The following CACNA2D4 variants were observed in gnomAD, a reference collection of about 807,000 sequenced individuals.
CACNA2D4 encodes the protein voltage-dependent calcium channel subunit alpha-2/delta-4.
In CACNA2D4, 157 loss-of-function variants were observed where a neutral mutation model predicts 163.8. The observed-to-expected ratio is 0.96, with a 90% CI of 0.84 to 1.09. The LOEUF (loss-of-function observed/expected upper bound fraction) is 1.09. Among genes scored for constraint, CACNA2D4 ranks in the 50% least tolerant of loss-of-function variants. The probability of loss-of-function intolerance (pLI) is 0.00; values close to 1 mark genes in which losing one functional copy is unlikely to be tolerated. For missense variants in CACNA2D4, 1,410 were observed against 1,479.9 expected, an observed-to-expected ratio of 0.95 and a Z score of 0.78; for synonymous variants, 598 against 586.9, an observed-to-expected ratio of 1.02 and a Z score of -0.27.
At chr12:1,907,320 G>A in intron 6 of CACNA2D4, 120 bp downstream of exon 6, 1 of 868,524 alleles carries the variant, frequency 1.2e-6, no homozygotes, top group Non-Finnish European at 1.8e-6. Flanking sequence ...GAGATGCTTT[G>A]GGATAGGAGG....
chr12:1,813,377 G>A (rs1295460588), intron 26 of CACNA2D4, among the ~76,000 whole-genome samples: 9 of 152,068 alleles, frequency 5.9e-5, no homozygotes, highest in Non-Finnish European at 1.0e-4. Flanking sequence ...GGGAACCCCC[G>A]TCCTAAAGCC....
intron 26 of CACNA2D4, among the ~76,000 whole-genome samples, chr12:1,821,117 G>A (rs552838425): frequency 3.9e-5 from 6 of 152,300 alleles, no homozygotes; most frequent in East Asian, 1.9e-4. Flanking sequence ...CATAGAAACC[G>A]GTCCCTGCAG....
intron 2 of CACNA2D4, 44 bp from the exon 3 acceptor site, chr12:1,913,183 C>T: frequency 1.5e-6 from 2 of 1,361,360 alleles, no homozygotes; most frequent in Non-Finnish European, 2.1e-6. Context: ...TGGTTTTGTA[C>T]CAGGATAGTT....
At chr12:1,880,927 G>T (rs1865980475) in intron 13 of CACNA2D4, among the ~76,000 whole-genome samples, 1 of 152,192 alleles carries the variant, frequency 6.6e-6, no homozygotes, top group Non-Finnish European at 1.5e-5. Flanking sequence ...GGCCCCTGTG[G>T]CCTGCTCTCC....
At position 1,834,293 on chromosome 12, in the gene CACNA2D4, A is replaced by G. The variant is rs1317030538; in HGVS notation, c.2551+6446T>C. 6.3e-7 allele frequency: 1 copy of G among 1,598,364 alleles called. No individual in the cohort carries two copies. Among genetic ancestry groups the G allele is most frequent in the Non-Finnish European group, 8.5e-7 (1 of 1,171,108 alleles). On this transcript the variant is annotated intron_variant, in intron 26 of 37. Coordinates refer to ENST00000382722, the MANE Select transcript of CACNA2D4 (RefSeq NM_172364.5). The surrounding 1 kb of genome is among the most constrained non-coding windows in gnomAD (Gnocchi z 7.6). ...GGGACGCTTGGACCAGCTTGCCTGC[A>G]CCCTGCCCAAGGAGCTGAGGGGGAA...
chr12:1,889,194 A>C (rs1264996310), intron 6 of CACNA2D4, among the ~76,000 whole-genome samples: 1 of 152,274 alleles, frequency 6.6e-6, no homozygotes, highest in Non-Finnish European at 1.5e-5. Flanking sequence ...AAAGCAGTTT[A>C]TACTGAAGTC....
intron 5 of CACNA2D4, 139 bp from the exon 6 acceptor site, chr12:1,907,710 TCTGGTGGACGGCCTGGTGGGCGTGC>T (rs1565740076): frequency 3.4e-6 from 4 of 1,162,206 alleles, no homozygotes; most frequent in Non-Finnish European, 4.9e-6. Context: ...GGTGGGCGTG[TCTGGTGGACGGCCTGGTGGGCGTGC>T]CTGGTGGGCG....
At chr12:1,884,121 A>T in intron 12 of CACNA2D4, 122 bp downstream of exon 12, 1 of 761,628 alleles carries the variant, frequency 1.3e-6, no homozygotes, top group Non-Finnish European at 2.2e-6. Flanking sequence ...GCTGTTCTTG[A>T]CATAGCACTG....
chr12:1,805,741 C>A (rs1863513048), intron 29 of CACNA2D4, among the ~76,000 whole-genome samples: 1 of 152,190 alleles, frequency 6.6e-6, no homozygotes, highest in South Asian at 2.1e-4. Context: ...GGAGCAGGGC[C>A]ATTTGGGACG....
rs1284680532 is a variant in CACNA2D4, at chr12:1,801,592, C to T, written c.2774G>A (p.Ser925Asn). 5 of 1,590,912 alleles carry T rather than the reference C, an allele frequency of 3.1e-6. No homozygotes were observed. In the South Asian group the frequency reaches 5.7e-5, roughly 18 times the overall value. The part of the protein sequence containing the change: ...VDGAVLTQLL[S>N]MGVFSQVTMY... ...CACTTACTGGCTGAACACCCCCATG[C>T]TGAGCAGCTGGGTCAGGACAGCACC... Residue 925 changes from serine (S) to asparagine (N), a missense_variant, in exon 30 of 38, where the codon AGC becomes AAC. Physicochemically the swap from Ser to Asn is conservative, Grantham distance 46 (BLOSUM62 1). Coordinates refer to ENST00000382722, the MANE Select transcript of CACNA2D4 (RefSeq NM_172364.5).
chr12:1,887,346 A>G (rs925358839), intron 6 of CACNA2D4, among the ~76,000 whole-genome samples: 4 of 152,242 alleles, frequency 2.6e-5, no homozygotes, highest in African/African-American at 9.6e-5. Context: ...AAAACCTCAT[A>G]TCAAATAGTG....
rs984636642 is a variant in CACNA2D4 at position 1,917,622 on chromosome 12, A to T, written c.227+625T>A. On this transcript the variant is annotated intron_variant, in intron 1 of 37. Coordinates refer to ENST00000382722, the MANE Select transcript of CACNA2D4 (RefSeq NM_172364.5). This position sits in a 1 kb window ranked among gnomAD's most constrained non-coding sequence, Gnocchi z 4.3. ...TTGCACAGTAATTTACATGTACACC[A>T]AGGTGCACATGACTGATACCGGGTT... 1.3e-5 allele frequency among the ~76,000 whole-genome samples: 2 copies of T among 152,176 alleles called. No individual in the cohort carries two copies. Among genetic ancestry groups the T allele is most frequent in the African/African-American group, 4.8e-5 (2 of 41,436 alleles).
rs140595785 is a variant in CACNA2D4 at position 1,878,147 on chromosome 12, T to G, written c.1719+168A>C. ...TTGCCTTGTCTCTTCTGATAGAATC[T>G]AAACAACTTGAAAACAGGGACCATG... is the stretch of plus-strand genomic sequence containing the variant. On this transcript the variant is annotated intron_variant, in intron 16 of 37. Transcript: ENST00000382722. This position sits in a 1 kb window ranked among gnomAD's most constrained non-coding sequence, Gnocchi z 4.6. Among the ~76,000 whole-genome samples the G allele has an allele frequency of 7.1e-3, 1,082 of 152,384 alleles. 5 individuals carry two copies. The highest frequency in any genetic ancestry group is 0.015 in the South Asian group (71 of 4,832).
At position 1,844,795 on chromosome 12, in the gene CACNA2D4, G is replaced by T. The variant is rs1460437283; in HGVS notation, c.2343-266C>A. Among the ~76,000 whole-genome samples the T allele has an allele frequency of 6.6e-6, 1 of 152,186 alleles. No individual in the cohort carries two copies. The highest frequency in any genetic ancestry group is 1.5e-5 in the Non-Finnish European group (1 of 68,046). On this transcript the variant is annotated intron_variant, in intron 24 of 37. Coordinates refer to ENST00000382722, the MANE Select transcript of CACNA2D4 (RefSeq NM_172364.5). This position sits in a 1 kb window ranked among gnomAD's most constrained non-coding sequence, Gnocchi z 4.2. ...CATTTTTATGTAAACTCTTTTGCCT[G>T]CAGGGATTCTTTCTTTTGGATAGAG... is the stretch of plus-strand genomic sequence containing the variant.
chr12:1,897,311 T>C (rs1312993055), intron 6 of CACNA2D4, among the ~76,000 whole-genome samples: 1 of 152,146 alleles, frequency 6.6e-6, no homozygotes, highest in East Asian at 1.9e-4. Context: ...CTCTAATATT[T>C]GATAGCAGAG....
At chr12:1,889,261 G>A (rs1866222294) in intron 6 of CACNA2D4, among the ~76,000 whole-genome samples, 1 of 152,156 alleles carries the variant, frequency 6.6e-6, no homozygotes, top group Admixed American at 6.5e-5. Flanking sequence ...AATGATATGG[G>A]AAAAACATCC....
chr12:1,884,430 G>A (rs1208978337), intron 11 of CACNA2D4, 109 bp from the exon 12 acceptor site: 6 of 889,486 alleles, frequency 6.7e-6, no homozygotes, highest in Middle Eastern at 4.3e-4. Context: ...CTCAGTCTTC[G>A]GGTTCTCCAA....
rs1230855937 is a variant in CACNA2D4, at chr12:1,833,884, C to T, written c.2551+6855G>A. On this transcript the variant is annotated intron_variant, in intron 26 of 37. Transcript: ENST00000382722. This position sits in a 1 kb window ranked among gnomAD's most constrained non-coding sequence, Gnocchi z 4.2. ...GGGCAGAGAGTGTGGCAGGGACGCT[C>T]AGCTCTCTAATGACAGCCCTTTCCT... is the stretch of plus-strand genomic sequence containing the variant. 6.6e-6 allele frequency among the ~76,000 whole-genome samples: 1 copy of T among 152,180 alleles called. No homozygotes were observed. The highest frequency in any genetic ancestry group is 1.9e-4 in the East Asian group (1 of 5,184).
intron 18 of CACNA2D4, among the ~76,000 whole-genome samples, chr12:1,871,134 TTGCTGGTGTGTGTGTACACATGTGTGC>T (rs1417526790): frequency 6.7e-6 from 1 of 148,638 alleles, no homozygotes; most frequent in Non-Finnish European, 1.5e-5. Context: ...TACACGTGTG[TTGCTGGTGTGTGTGTACACATGTGTGC>T]TGCTGGTGTG....
Sources: gnomAD v4.1 joint callset for allele counts (sites outside exome capture counted in the v4.1 genomes callset) on GRCh38, gnomAD v4.1.1 for gene constraint, Gnocchi (gnomAD v3.1) non-coding constraint, MANE v1.5 for transcripts, NCBI Gene and HGNC (gene_info 2026-07-23, HGNC 2026-07-21) for gene names.